TMEM14C: variants seen among roughly 807,000 people sequenced by gnomAD.
TMEM14C encodes transmembrane protein 14C, also known as chromosome 6 open reading frame 53.
A neutral mutation model predicts 14.8 loss-of-function variants in TMEM14C; 13 were observed. The ratio of observed to expected loss-of-function variants is 0.88; its 90% CI spans 0.57 to 1.40. TMEM14C has a LOEUF of 1.40. Among genes scored for constraint, TMEM14C ranks in the 40% most tolerant of loss-of-function variants. TMEM14C has a pLI of 0.00. For missense variants in TMEM14C, 142 were observed against 138.8 expected, an observed-to-expected ratio of 1.02 and a Z score of -0.12; for synonymous variants, 57 against 51.3, an observed-to-expected ratio of 1.11 and a Z score of -0.48.
chr6:10,726,004 C>A lies in TMEM14C; in HGVS notation c.195C>A (p.Phe65Leu), dbSNP rs1770849849. The A allele has an allele frequency of 1.2e-6, 2 of 1,613,990 alleles. No individual in the cohort carries two copies. The highest frequency in any genetic ancestry group is 2.2e-5 in the East Asian group (1 of 44,850). ...LSQDPRNVWV[F>L]LATSGTLAGI... ...AGGATCCAAGGAACGTTTGGGTTTT[C>A]CTAGGTATGTCTGCTTTGGCGTCTC... is the stretch of plus-strand genomic sequence containing the variant. The change falls in exon 4 of 6, where the codon TTC (phenylalanine) becomes TTA (leucine). Residue 65 changes from phenylalanine to leucine, a missense_variant. Physicochemically the swap from Phe to Leu is conservative, Grantham distance 22. Transcript: ENST00000229563.
chr6:10,724,894 A>T (rs950750268), intron 2 of TMEM14C, 67 bp from the exon 3 acceptor site: 1 of 1,576,346 alleles, frequency 6.3e-7, no homozygotes, highest in Non-Finnish European at 8.7e-7. Flanking sequence ...TTTTAGTCCC[A>T]TCCTATGACA....
Position 10,724,365 on chromosome 6 carries a change from GGGTTTACTA to G in TMEM14C, c.-44-201_-44-193del, listed in dbSNP as rs1417074580. 1.1e-5 allele frequency: 6 copies of G among 532,870 alleles called. No individual in the cohort carries two copies. In the East Asian group the frequency reaches 1.8e-4, roughly 16 times the overall value. 33.0% of individuals were successfully genotyped at this position (532,870 alleles called of 1,614,324 possible). A position where few individuals can be genotyped will look rare whatever the true frequency, so the allele number is the denominator to read the frequency against. ...CATGACAATGGTCAGCATCTGTTCAGGGTTTACTAGGTGCTAAGCACCTTTACATGTGAC... is the reference window on the plus strand; with the variant it reads ...CATGACAATGGTCAGCATCTGTTCAGGGTGCTAAGCACCTTTACATGTGAC... On this transcript the variant is annotated intron_variant, in intron 1 of 5. Transcript: ENST00000229563.
chr6:10,723,562 G>T (rs58240154), intron 1 of TMEM14C, among the ~76,000 whole-genome samples: 3 of 149,944 alleles, frequency 2.0e-5, no homozygotes, highest in Non-Finnish European at 2.9e-5. Flanking sequence ...TCCCAAGCCC[G>T]CTGCCCTTCC....
At position 10,730,505 on chromosome 6, in the gene TMEM14C, G is replaced by C. The variant is rs1770993592; in HGVS notation, c.288-110G>C. The C allele has an allele frequency of 5.6e-6, 6 of 1,062,974 alleles. No homozygotes were observed. In the East Asian group the frequency reaches 1.6e-4, roughly 28 times the overall value. The allele number at this position is 1,062,974 out of a possible 1,614,324, so 65.8% of individuals were successfully genotyped here. The stretch of plus-strand genomic sequence containing the variant: ...TTTACCCCTGACCACTCTTGCCTTA[G>C]TACCTCCTCCCCCACGCAGTTGTGA... On this transcript the variant is annotated intron_variant, in intron 5 of 5. Coordinates refer to ENST00000229563, the MANE Select transcript of TMEM14C (RefSeq NM_016462.4).
At chr6:10,728,316 C>T (rs193229758) in intron 4 of TMEM14C, among the ~76,000 whole-genome samples, 78 of 151,422 alleles carry the variant, frequency 5.2e-4, no homozygotes, top group African/African-American at 1.7e-4. Context: ...GAGGAAGTAG[C>T]GTCTGCAGGG....
intron 3 of TMEM14C, 35 bp downstream of exon 3, chr6:10,725,072 T>C: frequency 1.2e-6 from 2 of 1,611,890 alleles, no homozygotes; most frequent in African/African-American, 1.3e-5. Context: ...TCTTAACATC[T>C]TCACGTTGTC....
intron 3 of TMEM14C, 72 bp from the exon 4 acceptor site, chr6:10,725,835 G>C: frequency 6.3e-7 from 1 of 1,588,802 alleles, no homozygotes; most frequent in East Asian, 2.2e-5. Flanking sequence ...TTGTAGGGCA[G>C]CGGTCTGGGG....
chr6:10,726,212 A>T (rs1348898009), intron 4 of TMEM14C, among the ~76,000 whole-genome samples: 1 of 152,192 alleles, frequency 6.6e-6, no homozygotes, highest in East Asian at 1.9e-4. Flanking sequence ...TACATACAGA[A>T]CATGGAAGGA....
At chr6:10,723,352 G>T (rs1470009795) in intron 1 of TMEM14C, 111 bp downstream of exon 1, 1 of 152,238 alleles carries the variant, frequency 6.6e-6, no homozygotes, top group African/African-American at 2.4e-5. Flanking sequence ...CGGGCCTTCA[G>T]GCCGTGTGGT....
chr6:10,725,856 G>A (rs776168827), intron 3 of TMEM14C, 51 bp from the exon 4 acceptor site: 20 of 1,609,636 alleles, frequency 1.2e-5, no homozygotes, highest in Non-Finnish European at 1.7e-5. Context: ...GATTCCGTTA[G>A]TGAAATAAGT....
chr6:10,727,097 A>T, intron 4 of TMEM14C, among the ~76,000 whole-genome samples: 1 of 151,998 alleles, frequency 6.6e-6, no homozygotes, highest in East Asian at 1.9e-4. Flanking sequence ...AAATGACCTC[A>T]CGCCTATTGT....
rs143704402 is a variant in TMEM14C at position 10,724,069 on chromosome 6, C to G, written c.-44-501C>G. ...TATTTTATCCTCTCCTACTACTGCCCTCCTAACAAGAACTGTGAGTTGGAC... is the reference window on the plus strand; with the variant it reads ...TATTTTATCCTCTCCTACTACTGCCGTCCTAACAAGAACTGTGAGTTGGAC... On this transcript the variant is annotated intron_variant, in intron 1 of 5. Transcript: ENST00000229563. Among the ~76,000 whole-genome samples, 25 of 152,314 alleles carry G rather than the reference C, an allele frequency of 1.6e-4. No individual in the cohort carries two copies. The East Asian group carries it at 3.7e-3, about 22-fold the overall frequency.
In TMEM14C at chr6:10,730,313, A is replaced by C. The variant is rs76988521; in HGVS notation, c.288-302A>C. Among the ~76,000 whole-genome samples the C allele has an allele frequency of 3.9e-3, 594 of 152,298 alleles. 6 individuals carry two copies. The highest frequency in any genetic ancestry group is 0.014 in the African/African-American group (569 of 41,576). On this transcript the variant is annotated intron_variant, in intron 5 of 5. Coordinates refer to ENST00000229563, the MANE Select transcript of TMEM14C (RefSeq NM_016462.4). ...CTAGAGCAGTAAACTGAGACGCTGG[A>C]GAGTCTACCATTAATCAGATCTGTG... is the stretch of plus-strand genomic sequence containing the variant.
chr6:10,730,661 C>T lies in TMEM14C; in HGVS notation c.334C>T (p.His112Tyr). The T allele has an allele frequency of 6.2e-7, 1 of 1,609,460 alleles. No homozygotes were observed. The highest frequency in any genetic ancestry group is 8.5e-7 in the Non-Finnish European group (1 of 1,176,962). ...KVGVSMFNRP[H>Y] The stretch of plus-strand genomic sequence containing the variant: ...TGGAGTTAGTATGTTCAACAGACCC[C>T]ATTAGCAGAAGTCATGTTCCAGCTT... Residue 112 changes from histidine to tyrosine, a missense_variant, in exon 6 of 6, where the codon CAT becomes TAT. Transcript: ENST00000229563.
intron 4 of TMEM14C, 74 bp downstream of exon 4, chr6:10,726,082 T>C: frequency 6.5e-7 from 1 of 1,535,896 alleles, no homozygotes; most frequent in Non-Finnish European, 9.0e-7. Flanking sequence ...CCTGGTTTGG[T>C]GGGATGGGGT....
At position 10,730,664 on chromosome 6, in the gene TMEM14C, T is replaced by TA; in HGVS notation, c.338dup (p.Ter113=). 1.9e-6 allele frequency: 3 copies of TA among 1,609,822 alleles called. No homozygotes were observed. The highest frequency in any genetic ancestry group is 2.5e-6 in the Non-Finnish European group (3 of 1,177,166). The change falls in exon 6 of 6, where the codon TAG becomes TAAG. Residue 113 remains the stop codon, a frameshift_variant and stop_retained_variant. Coordinates refer to ENST00000229563, the MANE Select transcript of TMEM14C (RefSeq NM_016462.4). LOFTEE classifies it high-confidence loss of function. ...VGVSMFNRPH[*] is the part of the protein sequence containing the mutation. ...AGTTAGTATGTTCAACAGACCCCAT[T>TA]AGCAGAAGTCATGTTCCAGCTTAGA...
chr6:10,727,193 C>T (rs979900658), intron 4 of TMEM14C, among the ~76,000 whole-genome samples: 1 of 152,182 alleles, frequency 6.6e-6, no homozygotes, highest in Admixed American at 6.5e-5. Flanking sequence ...TCCTCTCCAA[C>T]ACCAGTGTCT....
At chr6:10,724,161 C>T (rs1055882294) in intron 1 of TMEM14C, among the ~76,000 whole-genome samples, 1 of 152,196 alleles carries the variant, frequency 6.6e-6, no homozygotes, top group Non-Finnish European at 1.5e-5. Context: ...AGCAACACCC[C>T]TACCTCCCCT....
chr6:10,730,531 G>A, intron 5 of TMEM14C, 84 bp from the exon 6 acceptor site: 1 of 1,367,112 alleles, frequency 7.3e-7, no homozygotes, highest in Non-Finnish European at 1.0e-6. Flanking sequence ...GCAGTTGTGA[G>A]GAACCAGCAG....
Sources: allele counts gnomAD v4.1 joint callset (sites outside exome capture counted in the v4.1 genomes callset), GRCh38; gene constraint gnomAD v4.1.1; transcripts MANE v1.5; gene names NCBI Gene and HGNC (gene_info 2026-07-23, HGNC 2026-07-21).